VSNL1: variants seen among roughly 807,000 people sequenced by gnomAD.
VSNL1 encodes the protein visinin like 1, also known as visinin-like protein 1.
A neutral mutation model predicts 20.4 loss-of-function variants in VSNL1; 6 were observed. That is an observed-to-expected ratio of 0.29 (90% CI 0.16 to 0.58). The LOEUF is 0.58. Among genes scored for constraint, VSNL1 ranks in the 20% least tolerant of loss-of-function variants. VSNL1 has a pLI of 0.90. For missense variants in VSNL1, 100 were observed against 234.5 expected, an observed-to-expected ratio of 0.43 and a Z score of 3.75; for synonymous variants, 93 against 86.4, an observed-to-expected ratio of 1.08 and a Z score of -0.42.
At chr2:17,632,876 G>A (rs761397805) in intron 2 of VSNL1, among the ~76,000 whole-genome samples, 9 of 152,210 alleles carry the variant, frequency 5.9e-5, no homozygotes, top group South Asian at 4.2e-4. Context: ...GAAAAGCACC[G>A]GGTGCAGTGA....
intron 2 of VSNL1, among the ~76,000 whole-genome samples, chr2:17,607,793 A>T (rs984737264): frequency 5.9e-5 from 9 of 152,260 alleles, no homozygotes; most frequent in African/African-American, 2.2e-4. Flanking sequence ...GCTTAACTGA[A>T]ACTCAGTTGA....
At chr2:17,565,107 G>A (rs1163175694) in intron 1 of VSNL1, among the ~76,000 whole-genome samples, 1 of 152,080 alleles carries the variant, frequency 6.6e-6, no homozygotes, top group Non-Finnish European at 1.5e-5. Context: ...ACTGTCTATG[G>A]TAAGAGCTAG....
At chr2:17,575,357 A>G (rs968484401) in intron 1 of VSNL1, among the ~76,000 whole-genome samples, 27 of 152,200 alleles carry the variant, frequency 1.8e-4, no homozygotes, top group African/African-American at 6.3e-4. Context: ...AGGTTAAATC[A>G]TTGAAGACAG....
At chr2:17,593,294 G>A (rs1359130867) in intron 2 of VSNL1, among the ~76,000 whole-genome samples, 2 of 151,898 alleles carry the variant, frequency 1.3e-5, no homozygotes, top group African/African-American at 2.4e-5. Flanking sequence ...CCCATCAAAG[G>A]GAAAGTGGAA....
chr2:17,602,672 G>A (rs551329096), intron 2 of VSNL1, among the ~76,000 whole-genome samples: 10 of 151,974 alleles, frequency 6.6e-5, no homozygotes, highest in African/African-American at 1.9e-4. Context: ...CCTAGGAGGC[G>A]GCAGTTGCAT....
intron 2 of VSNL1, among the ~76,000 whole-genome samples, chr2:17,621,679 G>A (rs956903590): frequency 1.1e-4 from 17 of 152,118 alleles, no homozygotes; most frequent in African/African-American, 3.4e-4. Context: ...CCAGGCTGGA[G>A]TGCAATGGCA....
chr2:17,558,352 A>G (rs1663737294), intron 1 of VSNL1, among the ~76,000 whole-genome samples: 1 of 152,224 alleles, frequency 6.6e-6, no homozygotes, highest in Non-Finnish European at 1.5e-5. Context: ...ATGTGACAGT[A>G]TTATTGTGGT....
intron 2 of VSNL1, among the ~76,000 whole-genome samples, chr2:17,626,850 A>G (rs1356095985): frequency 2.1e-5 from 3 of 145,164 alleles, no homozygotes; most frequent in Admixed American, 6.7e-5. Context: ...GGAATATTCA[A>G]TGATGAAGAA....
At chr2:17,580,065 G>A (rs1023533548) in intron 1 of VSNL1, among the ~76,000 whole-genome samples, 32 of 152,166 alleles carry the variant, frequency 2.1e-4, no homozygotes, top group Admixed American at 1.2e-3. Flanking sequence ...TCTTCTGTAA[G>A]ATTGATGCTA....
intron 2 of VSNL1, among the ~76,000 whole-genome samples, chr2:17,636,675 A>T (rs565798102): frequency 6.6e-6 from 1 of 152,320 alleles, no homozygotes; most frequent in East Asian, 1.9e-4. Context: ...TGTAATTTCG[A>T]TGTGTTTTGA....
At chr2:17,589,315 A>C (rs77507906) in intron 1 of VSNL1, among the ~76,000 whole-genome samples, 2,622 of 152,328 alleles carry the variant, frequency 0.017, 39 homozygotes, top group Middle Eastern at 0.034. Flanking sequence ...GCAGGACCTG[A>C]GCCACGCTAA....
intron 1 of VSNL1, among the ~76,000 whole-genome samples, chr2:17,571,417 G>A (rs1169747823): frequency 6.6e-6 from 1 of 152,138 alleles, no homozygotes; most frequent in Non-Finnish European, 1.5e-5. Flanking sequence ...TCATGAGCAG[G>A]CAAGGTAGCT....
chr2:17,594,117 A>G (rs1176587321), intron 2 of VSNL1, among the ~76,000 whole-genome samples: 1 of 152,214 alleles, frequency 6.6e-6, no homozygotes, highest in East Asian at 1.9e-4. Flanking sequence ...GTAGCACTGA[A>G]AAAGCACCAG....
Position 17,574,917 on chromosome 2 carries a change from C to A in VSNL1, c.-5-17153C>A, listed in dbSNP as rs112377703. Among the ~76,000 whole-genome samples the A allele has an allele frequency of 9.0e-3, 1,372 of 152,312 alleles. 27 individuals carry two copies. Among genetic ancestry groups the A allele is most frequent in the African/African-American group, 0.031 (1,294 of 41,562 alleles). ...AAGTAGCTGGAACTACAGGCACACA[C>A]CACCATGCCCAGCTAATCTTTCCTT... On this transcript the variant is annotated intron_variant, in intron 1 of 3. Transcript: ENST00000295156.
intron 1 of VSNL1, among the ~76,000 whole-genome samples, chr2:17,584,804 G>C (rs988450769): frequency 1.3e-5 from 2 of 152,104 alleles, no homozygotes; most frequent in African/African-American, 4.8e-5. Flanking sequence ...CAGTCTTATC[G>C]TTGAGACTTG....
At chr2:17,640,083 C>T (rs910543036) in intron 2 of VSNL1, among the ~76,000 whole-genome samples, 3 of 152,042 alleles carry the variant, frequency 2.0e-5, no homozygotes, top group Non-Finnish European at 4.4e-5. Flanking sequence ...AACCCGGTCT[C>T]TACTAAAAAT....
rs188895634 is a variant in VSNL1, at chr2:17,578,021, T to C, written c.-5-14049T>C. On this transcript the variant is annotated intron_variant, in intron 1 of 3. Transcript: ENST00000295156. The stretch of plus-strand genomic sequence containing the variant: ...AAACGGTTGTAAAGAAGAAGTGAGG[T>C]AATCCATGAACACATAGTGAGCACT... Among the ~76,000 whole-genome samples, 642 of 152,332 alleles carry C rather than the reference T, an allele frequency of 4.2e-3. 1 individual carries two copies. The highest frequency in any genetic ancestry group is 7.4e-3 in the Non-Finnish European group (501 of 68,010).
At chr2:17,603,190 G>C (rs1009864757) in intron 2 of VSNL1, among the ~76,000 whole-genome samples, 5 of 152,176 alleles carry the variant, frequency 3.3e-5, no homozygotes, top group Admixed American at 6.5e-5. Context: ...CATTTGAGCT[G>C]CTGTAACAAA....
intron 2 of VSNL1, among the ~76,000 whole-genome samples, chr2:17,618,576 G>GT (rs1665275401): frequency 6.6e-6 from 1 of 152,172 alleles, no homozygotes; most frequent in Non-Finnish European, 1.5e-5. Context: ...GACTTCAGGG[G>GT]TTCGAATGTA....
Sources: gnomAD v4.1 joint callset for allele counts (sites outside exome capture counted in the v4.1 genomes callset) on GRCh38, gnomAD v4.1.1 for gene constraint, MANE v1.5 for transcripts, NCBI Gene and HGNC (gene_info 2026-07-23, HGNC 2026-07-21) for gene names.